The following KYAT1 variants were observed in gnomAD, a reference collection of about 807,000 sequenced individuals.
KYAT1 encodes the protein kynurenine aminotransferase 1, also known as kynurenine--oxoglutarate transaminase 1.
A neutral mutation model predicts 52.4 loss-of-function variants in KYAT1; 47 were observed. The observed-to-expected ratio is 0.90, with a 90% CI of 0.71 to 1.14. The LOEUF (loss-of-function observed/expected upper bound fraction) is 1.14. Ranked by LOEUF, KYAT1 falls within the 50% of genes most tolerant of loss-of-function variation. The probability of loss-of-function intolerance (pLI) is 0.00; values close to 1 mark genes in which losing one functional copy is unlikely to be tolerated. For synonymous variants in KYAT1, 212 were observed against 209.6 expected, an observed-to-expected ratio of 1.01 and a Z score of -0.10; for missense variants, 480 against 557.9, an observed-to-expected ratio of 0.86 and a Z score of 1.41.
At chr9:128,879,039 G>A (rs1245361509) in intron 1 of KYAT1, among the ~76,000 whole-genome samples, 2 of 152,318 alleles carry the variant, frequency 1.3e-5, no homozygotes, top group African/African-American at 2.4e-5. Flanking sequence ...GGCCGGGCGC[G>A]GTGGCTCACG....
chr9:128,867,405 C>T (rs1243848506), intron 1 of KYAT1, among the ~76,000 whole-genome samples: 1 of 152,146 alleles, frequency 6.6e-6, no homozygotes. Context: ...TCTTGTACTG[C>T]TGGGCTCAAG....
At chr9:128,870,735 T>C (rs546646936) in intron 1 of KYAT1, among the ~76,000 whole-genome samples, 7 of 152,174 alleles carry the variant, frequency 4.6e-5, no homozygotes, top group African/African-American at 1.7e-4. Context: ...AACAAGTCTA[T>C]AGAGACAGAA....
chr9:128,838,632 G>A (rs1011261068), intron 3 of KYAT1, among the ~76,000 whole-genome samples: 3 of 152,198 alleles, frequency 2.0e-5, no homozygotes, highest in Non-Finnish European at 4.4e-5. Context: ...TACTCTGGGA[G>A]GTAAAGGTCA....
In KYAT1 at chr9:128,865,338, TATATATATA is replaced by T. The variant is rs1836148945; in HGVS notation, c.-7+16550_-7+16558del. ...ATATATATATATATATATATATATA[TATATATATA>T]TATATATATATATTTTTTTTTTTTT... On this transcript the variant is annotated intron_variant, in intron 1 of 12. Transcript: ENST00000302586. 9.7e-3 allele frequency among the ~76,000 whole-genome samples: 21 copies of T among 2,170 alleles called. 1 individual carries two copies. Among genetic ancestry groups the T allele is most frequent in the Admixed American group, 0.027 (4 of 146 alleles). 1.4% of individuals were successfully genotyped at this position (2,170 alleles called of 152,430 possible).
At chr9:128,855,848 T>A (rs1397936127) in intron 1 of KYAT1, among the ~76,000 whole-genome samples, 1 of 152,242 alleles carries the variant, frequency 6.6e-6, no homozygotes. Context: ...TCACAGCTAC[T>A]GCTGCGGCTG....
intron 1 of KYAT1, among the ~76,000 whole-genome samples, chr9:128,879,049 G>A (rs1048050058): frequency 1.3e-5 from 2 of 152,162 alleles, no homozygotes; most frequent in East Asian, 1.9e-4. Flanking sequence ...GGTGGCTCAC[G>A]CCTGTAATCC....
chr9:128,862,967 G>C (rs915126843), intron 1 of KYAT1, among the ~76,000 whole-genome samples: 3 of 152,090 alleles, frequency 2.0e-5, no homozygotes, highest in African/African-American at 7.2e-5. Flanking sequence ...TGGGATTACA[G>C]ACGCGCGCTA....
intron 2 of KYAT1, among the ~76,000 whole-genome samples, chr9:128,844,955 T>C (rs1419983198): frequency 6.6e-6 from 1 of 152,228 alleles, no homozygotes; most frequent in Admixed American, 6.5e-5. Context: ...TCTTACTTGC[T>C]TATTTTACTT....
chr9:128,851,218 G>A (rs567110197), intron 1 of KYAT1, among the ~76,000 whole-genome samples: 2 of 152,216 alleles, frequency 1.3e-5, no homozygotes, highest in South Asian at 2.1e-4. Flanking sequence ...CACAGGTATG[G>A]AGGGGCAGGC....
intron 1 of KYAT1, among the ~76,000 whole-genome samples, chr9:128,865,340 TA>T (rs1836154000): frequency 3.6e-3 from 8 of 2,218 alleles, no homozygotes; most frequent in East Asian, 0.029. Flanking sequence ...TATATATATA[TA>T]TATATATATA....
chr9:128,836,107 TGGGGTGAGGGGGACG>T lies in KYAT1; in HGVS notation c.689-49_689-35del. 1.9e-6 allele frequency: 3 copies of T among 1,605,356 alleles called. 1 individual carries two copies. The South Asian group carries it at 3.3e-5, about 18-fold the overall frequency. On this transcript the variant is annotated intron_variant, in intron 7 of 12. Transcript: ENST00000302586. The stretch of plus-strand genomic sequence containing the variant: ...GGCCGAACAGAACAGCTGCTGAGAC[TGGGGTGAGGGGGACG>T]GGGGAGGATGGTGGTCTGGGCCCCA...
At chr9:128,856,938 A>G (rs531369175) in intron 1 of KYAT1, among the ~76,000 whole-genome samples, 3 of 152,358 alleles carry the variant, frequency 2.0e-5, no homozygotes, top group African/African-American at 7.2e-5. Context: ...AAGTTGAAAT[A>G]GAGGAAGGCC....
At chr9:128,868,253 T>C (rs1173933373) in intron 1 of KYAT1, among the ~76,000 whole-genome samples, 1 of 151,794 alleles carries the variant, frequency 6.6e-6, no homozygotes, top group Non-Finnish European at 1.5e-5. Context: ...CTTGATTCAC[T>C]GCAGCCTCTG....
rs140176239 is a variant in KYAT1 at position 128,866,326 on chromosome 9, G to A, written c.-7+15571C>T. 2.1e-3 allele frequency among the ~76,000 whole-genome samples: 323 copies of A among 152,356 alleles called. 3 individuals carry two copies. Among genetic ancestry groups the A allele is most frequent in the Admixed American group, 9.4e-3 (143 of 15,290 alleles). On this transcript the variant is annotated intron_variant, in intron 1 of 12. Coordinates refer to ENST00000302586, the MANE Select transcript of KYAT1 (RefSeq NM_004059.5). ...TCACAAAAGCAAATAGTCGCTGGGT[G>A]TGGTGGCTCACGCCTGTAATCCCAG...
chr9:128,846,636 A>G (rs1833149139), intron 1 of KYAT1: 5 of 1,177,640 alleles, frequency 4.2e-6, no homozygotes, highest in Non-Finnish European at 5.7e-6. Context: ...GAAAGAAAGA[A>G]ATTGGCCAGA....
At chr9:128,862,201 C>T (rs949774969) in intron 1 of KYAT1, among the ~76,000 whole-genome samples, 2 of 152,194 alleles carry the variant, frequency 1.3e-5, no homozygotes, top group African/African-American at 4.8e-5. Context: ...TGTGGTCTCA[C>T]TGTGTTGCCC....
chr9:128,854,425 C>T (rs758530152), intron 1 of KYAT1, among the ~76,000 whole-genome samples: 2 of 152,060 alleles, frequency 1.3e-5, no homozygotes, highest in Non-Finnish European at 2.9e-5. Flanking sequence ...AAGGTGATAA[C>T]GTGGGGGAGA....
chr9:128,878,309 A>G (rs1292372388), intron 1 of KYAT1, among the ~76,000 whole-genome samples: 3 of 151,732 alleles, frequency 2.0e-5, no homozygotes, highest in Non-Finnish European at 2.9e-5. Flanking sequence ...TAATTTTTGT[A>G]TTTTTGATAG....
rs1034557325 is a variant in KYAT1, at chr9:128,833,518, G to C, written c.*66C>G. Reference sequence around the variant, plus strand: ...TAGAAATGTCTGAAACCTGGACAAAGACAGACACTCAAAGAGGATCTCTGC... The same window carrying C: ...TAGAAATGTCTGAAACCTGGACAAACACAGACACTCAAAGAGGATCTCTGC... On this transcript the variant is annotated 3_prime_UTR_variant, in exon 13 of 13. Coordinates refer to ENST00000302586, the MANE Select transcript of KYAT1 (RefSeq NM_004059.5). 1.0e-5 allele frequency: 15 copies of C among 1,484,346 alleles called. No individual in the cohort carries two copies. In the African/African-American group the frequency reaches 2.1e-4, roughly 21 times the overall value. The allele number at this position is 1,484,346 out of a possible 1,614,324, so 91.9% of individuals were successfully genotyped here. A position where few individuals can be genotyped will look rare whatever the true frequency, so the allele number is the denominator to read the frequency against.
Sources: gnomAD v4.1 joint callset for allele counts (sites outside exome capture counted in the v4.1 genomes callset) on GRCh38, gnomAD v4.1.1 for gene constraint, MANE v1.5 for transcripts, NCBI Gene and HGNC (gene_info 2026-07-23, HGNC 2026-07-21) for gene names.